HS6ST2: variants seen among roughly 807,000 people sequenced by gnomAD.
HS6ST2 encodes heparan sulfate 6-O-sulfotransferase 2.
A neutral mutation model predicts 33.0 loss-of-function variants in HS6ST2; 17 were observed. The ratio of observed to expected loss-of-function variants is 0.52; its 90% CI spans 0.35 to 0.77. The LOEUF (loss-of-function observed/expected upper bound fraction) is 0.77, where lower values mean the gene tolerates loss of function less well. Ranked by LOEUF, HS6ST2 falls within the 30% of genes least tolerant of loss-of-function variation. HS6ST2 has a pLI of 0.01. For missense variants in HS6ST2, 519 were observed against 551.7 expected (o/e 0.94, Z 0.59); for synonymous variants, 248 against 237.1 (o/e 1.05, Z -0.42).
At chrX:132,799,301 TG>T (rs1462270770) in intron 2 of HS6ST2, among the ~76,000 whole-genome samples, 1 of 110,795 alleles carries the variant, frequency 9.0e-6, no homozygotes, top group Admixed American at 9.7e-5. Flanking sequence ...TCCTGATGCC[TG>T]GGTCACTTTA....
chrX:132,725,388 T>C (rs2064381784), intron 2 of HS6ST2, among the ~76,000 whole-genome samples: 1 of 111,828 alleles, frequency 8.9e-6, no homozygotes, highest in African/African-American at 3.2e-5. Context: ...AAAGAAGACA[T>C]GCAAATGGCA....
intron 2 of HS6ST2, among the ~76,000 whole-genome samples, chrX:132,733,506 GTACT>G (rs2064478188): frequency 9.1e-6 from 1 of 110,449 alleles, no homozygotes; most frequent in South Asian, 3.9e-4. Flanking sequence ...TACCTCACAA[GTACT>G]TACTAATGAG....
At chrX:132,950,938 T>C (rs2067008507) in intron 2 of HS6ST2, among the ~76,000 whole-genome samples, 1 of 111,444 alleles carries the variant, frequency 9.0e-6, no homozygotes, top group Non-Finnish European at 1.9e-5. Flanking sequence ...CAACGCCAAT[T>C]GTGAATTCAG....
At chrX:132,865,016 G>T (rs767644754) in intron 2 of HS6ST2, among the ~76,000 whole-genome samples, 1 of 110,201 alleles carries the variant, frequency 9.1e-6, no homozygotes, top group East Asian at 2.9e-4. Context: ...TAGGGTACAT[G>T]TGCACCATGT....
Position 132,680,954 on chromosome X carries a change from C to T in HS6ST2, c.981-11755G>A, listed in dbSNP as rs769688936. On this transcript the variant is annotated intron_variant, in intron 3 of 4. Transcript: ENST00000370833. ...GGCAGAGGTTGCAGTGAGCCAAGAT[C>T]AGATCGCGCCATTGCATTCCAGCCT... 3.7e-5 allele frequency among the ~76,000 whole-genome samples: 4 copies of T among 109,203 alleles called. No homozygotes were observed. The East Asian group carries it at 1.2e-3, about 32-fold the overall frequency. The allele number at this position is 109,203 out of a possible 115,157, so 94.8% of individuals were successfully genotyped here. A position where few individuals can be genotyped will look rare whatever the true frequency, so the allele number is the denominator to read the frequency against.
At chrX:132,828,693 T>TACAC (rs779585327) in intron 2 of HS6ST2, among the ~76,000 whole-genome samples, 20 of 72,938 alleles carry the variant, frequency 2.7e-4, no homozygotes, top group African/African-American at 7.6e-4. Flanking sequence ...TATATATATA[T>TACAC]ACACACACAC....
At chrX:132,776,537 C>G (rs1294531116) in intron 2 of HS6ST2, among the ~76,000 whole-genome samples, 3 of 111,610 alleles carry the variant, frequency 2.7e-5, no homozygotes, top group African/African-American at 9.8e-5. Context: ...GTTTTCCCCT[C>G]TCTCTTTGTA....
intron 3 of HS6ST2, among the ~76,000 whole-genome samples, chrX:132,694,933 G>A (rs905242231): frequency 2.7e-5 from 3 of 111,152 alleles, no homozygotes; most frequent in South Asian, 3.8e-4. Context: ...AGAGGACCAC[G>A]TTCTGGGGAA....
chrX:132,863,964 G>A (rs1363256091), intron 2 of HS6ST2, among the ~76,000 whole-genome samples: 1 of 111,482 alleles, frequency 9.0e-6, no homozygotes, highest in Non-Finnish European at 1.9e-5. Flanking sequence ...AACAGGGTCT[G>A]GACTGGACCT....
intron 2 of HS6ST2, among the ~76,000 whole-genome samples, chrX:132,810,382 G>T (rs1336078725): frequency 9.3e-6 from 1 of 107,542 alleles, no homozygotes; most frequent in African/African-American, 3.4e-5. Flanking sequence ...CTCCAGCCTG[G>T]GTGACAGTGA....
intron 4 of HS6ST2, among the ~76,000 whole-genome samples, chrX:132,649,457 G>A (rs999870998): frequency 1.8e-5 from 2 of 112,244 alleles, no homozygotes; most frequent in Admixed American, 9.4e-5. Flanking sequence ...AGAGAAGACT[G>A]CACCTTTCCT....
At chrX:132,862,295 T>C (rs1291654923) in intron 2 of HS6ST2, among the ~76,000 whole-genome samples, 1 of 112,083 alleles carries the variant, frequency 8.9e-6, no homozygotes, top group Non-Finnish European at 1.9e-5. Context: ...CTTTATTGTA[T>C]AATTATCAGT....
intron 2 of HS6ST2, among the ~76,000 whole-genome samples, chrX:132,934,098 C>G (rs1199006773): frequency 9.0e-6 from 1 of 110,794 alleles, no homozygotes; most frequent in Admixed American, 9.6e-5. Flanking sequence ...TAACAAAATA[C>G]AGTATAAATG....
intron 2 of HS6ST2, among the ~76,000 whole-genome samples, chrX:132,891,654 C>G (rs772547576): frequency 9.0e-6 from 1 of 110,694 alleles, no homozygotes; most frequent in East Asian, 2.9e-4. Flanking sequence ...TTTGTCCTTG[C>G]GATAGTTTAC....
intron 2 of HS6ST2, among the ~76,000 whole-genome samples, chrX:132,743,607 C>G (rs938831676): frequency 1.8e-5 from 2 of 111,492 alleles, no homozygotes; most frequent in African/African-American, 6.5e-5. Flanking sequence ...CACCCTTCAG[C>G]TATGAGAGAG....
chrX:132,780,525 A>G (rs973570784), intron 2 of HS6ST2, among the ~76,000 whole-genome samples: 5 of 111,406 alleles, frequency 4.5e-5, no homozygotes, highest in African/African-American at 1.6e-4. Flanking sequence ...AGTCTCAGTT[A>G]GATCAATTGA....
At chrX:132,708,532 C>T (rs1448764735) in intron 2 of HS6ST2, 38 bp from the exon 3 acceptor site, 3 of 1,124,175 alleles carry the variant, frequency 2.7e-6, no homozygotes, top group Non-Finnish European at 3.6e-6. Context: ...CTAGCAAGAG[C>T]TTGGTAGGAG....
At chrX:132,661,588 A>G (rs2063773868) in intron 4 of HS6ST2, among the ~76,000 whole-genome samples, 1 of 112,307 alleles carries the variant, frequency 8.9e-6, no homozygotes, top group Non-Finnish European at 1.9e-5. Context: ...ATGGTAACTC[A>G]ATATTGTTAA....
At chrX:132,791,017 T>A (rs1224478337) in intron 2 of HS6ST2, among the ~76,000 whole-genome samples, 2 of 109,863 alleles carry the variant, frequency 1.8e-5, no homozygotes, top group Non-Finnish European at 3.8e-5. Context: ...TGTGGTGGCA[T>A]GTGCTTGTAG....
Sources: allele counts gnomAD v4.1 joint callset (sites outside exome capture counted in the v4.1 genomes callset), GRCh38; gene constraint gnomAD v4.1.1; transcripts MANE v1.5; gene names NCBI Gene and HGNC (gene_info 2026-07-23, HGNC 2026-07-21).